The following ETFA variants were observed in gnomAD, a reference collection of about 807,000 sequenced individuals.
ETFA encodes electron transfer flavoprotein subunit alpha.
ETFA carries 22 observed loss-of-function variants against 46.2 expected under a neutral mutation model. That is an observed-to-expected ratio of 0.48 (90% CI 0.34 to 0.68). ETFA has a LOEUF of 0.68. Among genes scored for constraint, ETFA ranks in the 30% least tolerant of loss-of-function variants. ETFA has a pLI of 0.01. For synonymous variants in ETFA, 131 were observed against 139.9 expected (o/e 0.94, Z 0.45); for missense variants, 345 against 401.1 (o/e 0.86, Z 1.19).
At chr15:76,259,701 C>G (rs2039383759) in intron 9 of ETFA, 5 of 1,299,692 alleles carry the variant, frequency 3.8e-6, no homozygotes, top group Non-Finnish European at 5.6e-6. Context: ...CCAAAGTCAG[C>G]CACACACACG....
intron 9 of ETFA, chr15:76,259,588 T>C: frequency 9.5e-7 from 1 of 1,052,312 alleles, no homozygotes; most frequent in Non-Finnish European, 1.5e-6. Context: ...CTGTGCACAG[T>C]ATACAGGTTG....
chr15:76,240,106 A>G (rs1156543969), intron 9 of ETFA, among the ~76,000 whole-genome samples: 2 of 152,236 alleles, frequency 1.3e-5, no homozygotes, highest in East Asian at 1.9e-4. Context: ...CTGAAAATTA[A>G]TACTTTCCAG....
chr15:76,252,226 C>T (rs180987982), intron 9 of ETFA, among the ~76,000 whole-genome samples: 4 of 152,206 alleles, frequency 2.6e-5, no homozygotes, highest in Non-Finnish European at 5.9e-5. Flanking sequence ...TGGAGTGTAG[C>T]GTCACAACTA....
chr15:76,262,330 A>AT (rs1161040467), intron 9 of ETFA, among the ~76,000 whole-genome samples: 1 of 139,886 alleles, frequency 7.1e-6, no homozygotes, highest in Admixed American at 6.8e-5. Context: ...AAAAGTGAGG[A>AT]AAAAAAAATG....
At chr15:76,289,941 T>C (rs2039742949) in intron 4 of ETFA, among the ~76,000 whole-genome samples, 1 of 152,224 alleles carries the variant, frequency 6.6e-6, no homozygotes, top group Admixed American at 6.5e-5. Flanking sequence ...TTAGGTGAAC[T>C]GTCATCATAG....
chr15:76,248,826 G>A (rs971983367), intron 9 of ETFA, among the ~76,000 whole-genome samples: 2 of 151,454 alleles, frequency 1.3e-5, no homozygotes, highest in Admixed American at 6.6e-5. Context: ...GCAGTGAGCC[G>A]AGATTGCACC....
chr15:76,259,267 C>T (rs1567206149), intron 9 of ETFA: 3 of 1,566,888 alleles, frequency 1.9e-6, no homozygotes, highest in Non-Finnish European at 8.8e-7. Context: ...TCCTGGCTGG[C>T]GGATAGCACA....
chr15:76,261,158 C>G (rs62030245), intron 9 of ETFA: 358,051 of 1,454,000 alleles, frequency 0.25, 39,455 homozygotes, highest in East Asian at 0.57. Context: ...GGAGAGGGAG[C>G]AGGTCCCCCG....
chr15:76,261,039 G>A (rs893113269), intron 9 of ETFA: 4 of 1,592,206 alleles, frequency 2.5e-6, no homozygotes, highest in Non-Finnish European at 1.7e-6. Flanking sequence ...TGCAGGCAGT[G>A]CTTGAAGGAG....
chr15:76,253,921 G>C (rs918157274), intron 9 of ETFA, among the ~76,000 whole-genome samples: 7 of 152,244 alleles, frequency 4.6e-5, no homozygotes, highest in African/African-American at 7.2e-5. Context: ...GGAATAGCTT[G>C]TATCAGACCA....
At chr15:76,310,998 C>A (rs114715150) in intron 1 of ETFA, among the ~76,000 whole-genome samples, 3,650 of 152,268 alleles carry the variant, frequency 0.024, 144 homozygotes, top group African/African-American at 0.084. Flanking sequence ...TTTGCTCCCT[C>A]GGGTGTGGAG....
chr15:76,286,343 A>G lies in ETFA; in HGVS notation c.562+28T>C, dbSNP rs376058169. ...TATGAATTAAAAAAGTAAGAAACAA[A>G]ACAAAAAAACTCCAAATGAACACTC... On this transcript the variant is annotated intron_variant, in intron 6 of 11. Transcript: ENST00000557943. 73 of 1,392,264 alleles carry G rather than the reference A, an allele frequency of 5.2e-5. No individual in the cohort carries two copies. In the African/African-American group the frequency reaches 9.5e-4, roughly 18 times the overall value. The allele number at this position is 1,392,264 out of a possible 1,614,324, so 86.2% of individuals were successfully genotyped here.
intron 9 of ETFA, among the ~76,000 whole-genome samples, chr15:76,236,380 C>T (rs1426706697): frequency 6.6e-6 from 1 of 152,136 alleles, no homozygotes; most frequent in Non-Finnish European, 1.5e-5. Context: ...TCAGGTCAGA[C>T]TAACTATATT....
chr15:76,296,947 A>G (rs1015389359), intron 1 of ETFA, among the ~76,000 whole-genome samples: 1 of 152,224 alleles, frequency 6.6e-6, no homozygotes, highest in African/African-American at 2.4e-5. Flanking sequence ...CTATCATGTG[A>G]AAAGATGAGG....
intron 4 of ETFA, among the ~76,000 whole-genome samples, chr15:76,291,671 AC>A (rs1216672495): frequency 6.6e-6 from 1 of 151,558 alleles, no homozygotes; most frequent in Non-Finnish European, 1.5e-5. Flanking sequence ...AATGGCGTGA[AC>A]CCCGGGGGGC....
chr15:76,260,986 T>A (rs113155777), intron 9 of ETFA: 5 of 1,572,490 alleles, frequency 3.2e-6, no homozygotes, highest in Middle Eastern at 2.0e-4. Context: ...GCCACACTAG[T>A]GTTGCCGCTG....
At chr15:76,219,265 A>G (rs1032706831) in intron 11 of ETFA, among the ~76,000 whole-genome samples, 1 of 152,210 alleles carries the variant, frequency 6.6e-6, no homozygotes, top group Non-Finnish European at 1.5e-5. Context: ...GGACAACTGG[A>G]TAATCACATG....
At chr15:76,295,551 G>A (rs1353205979) in intron 2 of ETFA, 40 bp downstream of exon 2, 2 of 1,557,776 alleles carry the variant, frequency 1.3e-6, no homozygotes, top group African/African-American at 2.7e-5. Context: ...TCTCTTGATG[G>A]AGATAATATT....
chr15:76,247,167 ACTTTTTAAACC>A (rs2039250351), intron 9 of ETFA, among the ~76,000 whole-genome samples: 1 of 151,070 alleles, frequency 6.6e-6, no homozygotes, highest in African/African-American at 2.4e-5. Context: ...TACAATATGT[ACTTTTTAAACC>A]CAGGAGTCAC....
Sources: gnomAD v4.1 joint callset for allele counts (sites outside exome capture counted in the v4.1 genomes callset) on GRCh38, gnomAD v4.1.1 for gene constraint, MANE v1.5 for transcripts, NCBI Gene and HGNC (gene_info 2026-07-23, HGNC 2026-07-21) for gene names.